The following SUGCT variants were observed in gnomAD, a reference collection of about 807,000 sequenced individuals.
SUGCT encodes succinyl-CoA:glutarate-CoA transferase, also known as succinyl-CoA:glutarate CoA-transferase.
SUGCT carries 41 observed loss-of-function variants against 55.0 expected under a neutral mutation model. The observed-to-expected ratio is 0.74, with a 90% CI of 0.58 to 0.97. SUGCT has a LOEUF of 0.97. SUGCT is among the 50% of genes least tolerant of loss of function. The pLI is 0.00. For synonymous variants in SUGCT, 187 were observed against 200.4 expected (o/e 0.93, Z 0.56); for missense variants, 568 against 547.8 (o/e 1.04, Z -0.37).
At chr7:40,894,655 G>T in the SUGCT span, among the ~76,000 whole-genome samples, 1 of 152,128 alleles carries the variant, frequency 6.6e-6, no homozygotes, top group African/African-American at 2.4e-5. Context: ...CAAAGGACAT[G>T]AACAGACACT....
At chr7:40,864,461 A>T (rs1584556509), downstream of SUGCT, among the ~76,000 whole-genome samples, 1 of 152,234 alleles carries the variant, frequency 6.6e-6, no homozygotes, top group Admixed American at 6.5e-5. Context: ...ATGACCCTGA[A>T]CTTTTAAACA....
intron 9 of SUGCT, among the ~76,000 whole-genome samples, chr7:40,395,984 T>C (rs962344673): frequency 2.6e-5 from 4 of 152,194 alleles, no homozygotes; most frequent in African/African-American, 9.7e-5. Context: ...TAAGGACTTT[T>C]TTGAGACTTC....
the SUGCT span, among the ~76,000 whole-genome samples, chr7:41,021,441 T>C: frequency 1.3e-5 from 2 of 152,352 alleles, no homozygotes; most frequent in Middle Eastern, 3.4e-3. Context: ...GAATCTGTAA[T>C]AGTTCAGTTC....
intron 4 of SUGCT, 49 bp downstream of exon 4, chr7:40,188,629 T>A (rs887441756): frequency 8.3e-7 from 1 of 1,204,766 alleles, no homozygotes; most frequent in Non-Finnish European, 1.2e-6. Flanking sequence ...TCTCTTATAA[T>A]AGCAAAACTG....
chr7:40,316,685 A>C, intron 8 of SUGCT, 75 bp from the exon 9 acceptor site: 1 of 944,152 alleles, frequency 1.1e-6, no homozygotes, highest in African/African-American at 1.7e-5. Context: ...AATTACTTTC[A>C]TAATATAACG....
At chr7:40,835,911 G>A (rs1202308585) in intron 13 of SUGCT, among the ~76,000 whole-genome samples, 1 of 122,708 alleles carries the variant, frequency 8.1e-6, no homozygotes, top group African/African-American at 3.2e-5. Context: ...TTTTTTTGGT[G>A]AGACAGGGTC....
Position 40,135,771 on chromosome 7 carries a change from T to A in SUGCT, c.100+651T>A, listed in dbSNP as rs559634560. ...TCCCGTGTTCAGGAGATTTTCCTGC[T>A]TCAGCCTTCCGAGTAGCTGGGATTA... On this transcript the variant is annotated intron_variant, in intron 1 of 13. Transcript: ENST00000335693. 5.3e-5 allele frequency among the ~76,000 whole-genome samples: 8 copies of A among 150,930 alleles called. No individual in the cohort carries two copies. The South Asian group carries it at 1.5e-3, about 28-fold the overall frequency.
chr7:40,270,580 C>A (rs1048641603), intron 7 of SUGCT, among the ~76,000 whole-genome samples: 2 of 152,158 alleles, frequency 1.3e-5, no homozygotes, highest in Non-Finnish European at 2.9e-5. Flanking sequence ...TGCCTTCCAC[C>A]AGTACCATGC....
chr7:40,179,745 G>C (rs75828564), intron 1 of SUGCT, among the ~76,000 whole-genome samples: 441 of 152,326 alleles, frequency 2.9e-3, no homozygotes, highest in African/African-American at 0.01. Context: ...CTCTCCATGT[G>C]TTCTTTCATC....
intron 9 of SUGCT, among the ~76,000 whole-genome samples, chr7:40,328,765 G>GTGTGTA (rs1038536132): frequency 2.6e-5 from 4 of 152,056 alleles, no homozygotes; most frequent in African/African-American, 4.8e-5. Flanking sequence ...GTGTGTATGT[G>GTGTGTA]TGTGTATGTG....
chr7:40,916,392 A>C, the SUGCT span, among the ~76,000 whole-genome samples: 1 of 152,168 alleles, frequency 6.6e-6, no homozygotes, highest in African/African-American at 2.4e-5. Context: ...GAATCCCAGG[A>C]TGTGGACCAT....
intron 12 of SUGCT, among the ~76,000 whole-genome samples, chr7:40,667,067 A>C (rs113985440): frequency 2.7e-5 from 4 of 150,760 alleles, no homozygotes; most frequent in African/African-American, 9.8e-5. Flanking sequence ...TGGTTGTGCC[A>C]CTGCATTCCA....
At chr7:40,525,596 A>G (rs1204209407) in intron 12 of SUGCT, among the ~76,000 whole-genome samples, 1 of 152,112 alleles carries the variant, frequency 6.6e-6, no homozygotes, top group African/African-American at 2.4e-5. Context: ...AAGAATCTGA[A>G]CATAATAACT....
rs1784756965 is a variant in SUGCT, at chr7:40,692,801, G to T, written c.1090-56633G>T. Among the ~76,000 whole-genome samples, 3 of 151,470 alleles carry T rather than the reference G, an allele frequency of 2.0e-5. No individual in the cohort carries two copies. The South Asian group carries it at 6.3e-4, about 32-fold the overall frequency. On this transcript the variant is annotated intron_variant, in intron 12 of 13. Coordinates refer to ENST00000335693, the MANE Select transcript of SUGCT (RefSeq NM_001193313.2). Reference sequence around the variant, plus strand: ...TTTCACCTAGAAGCCAGCTGAAATGGGTTCATGGTCCCATTCTACCAATGA... The same window carrying T: ...TTTCACCTAGAAGCCAGCTGAAATGTGTTCATGGTCCCATTCTACCAATGA...
At chr7:40,916,873 G>A in the SUGCT span, among the ~76,000 whole-genome samples, 1 of 152,156 alleles carries the variant, frequency 6.6e-6, no homozygotes, top group Non-Finnish European at 1.5e-5. Context: ...ATGGAGTCTG[G>A]AGTAGTTACA....
At chr7:40,237,145 T>A (rs1037823615) in intron 6 of SUGCT, among the ~76,000 whole-genome samples, 8 of 151,272 alleles carry the variant, frequency 5.3e-5, no homozygotes, top group Non-Finnish European at 1.0e-4. Flanking sequence ...AGTTTTTTTT[T>A]AAGAATAGCC....
chr7:40,993,113 T>C, the SUGCT span, among the ~76,000 whole-genome samples: 1 of 152,180 alleles, frequency 6.6e-6, no homozygotes. Flanking sequence ...TCTGAGTTTC[T>C]GTTTCTAACT....
At chr7:40,543,180 A>G (rs1243306419) in intron 12 of SUGCT, among the ~76,000 whole-genome samples, 1 of 152,170 alleles carries the variant, frequency 6.6e-6, no homozygotes, top group Non-Finnish European at 1.5e-5. Context: ...TGCTATTTAC[A>G]CTTCAAAACA....
At chr7:41,038,074 A>C in the SUGCT span, among the ~76,000 whole-genome samples, 1 of 152,132 alleles carries the variant, frequency 6.6e-6, no homozygotes, top group African/African-American at 2.4e-5. Flanking sequence ...TTTCCAAGAA[A>C]GTCTTGAAAT....
Sources: allele counts gnomAD v4.1 joint callset (sites outside exome capture counted in the v4.1 genomes callset), GRCh38; gene constraint gnomAD v4.1.1; transcripts MANE v1.5; gene names NCBI Gene and HGNC (gene_info 2026-07-23, HGNC 2026-07-21).